The following ZPBP variants were observed in gnomAD, a reference collection of about 807,000 sequenced individuals.
ZPBP encodes zona pellucida-binding protein 1.
A neutral mutation model predicts 44.8 loss-of-function variants in ZPBP; 26 were observed. The observed-to-expected ratio is 0.58, with a 90% CI of 0.43 to 0.81. The LOEUF is 0.81. Among genes scored for constraint, ZPBP ranks in the 30% least tolerant of loss-of-function variants. The pLI, the probability that ZPBP is intolerant of heterozygous loss-of-function variation, is 0.00. For synonymous variants in ZPBP, 174 were observed against 153.2 expected, an observed-to-expected ratio of 1.14 and a Z score of -1.00; for missense variants, 409 against 434.0, an observed-to-expected ratio of 0.94 and a Z score of 0.51.
chr7:49,954,697 T>C (rs972743537), intron 7 of ZPBP, among the ~76,000 whole-genome samples: 2 of 152,194 alleles, frequency 1.3e-5, no homozygotes, highest in Non-Finnish European at 2.9e-5. Context: ...CAATTCTAAA[T>C]GTCTATTTAA....
intron 4 of ZPBP, among the ~76,000 whole-genome samples, chr7:50,041,060 A>C (rs185369328): frequency 6.6e-6 from 1 of 152,262 alleles, no homozygotes; most frequent in Admixed American, 6.5e-5. Flanking sequence ...AACTGGGTGG[A>C]GCCCACCTCA....
At chr7:49,867,120 T>G (rs1281359208) in intron 2 of ZPBP, among the ~76,000 whole-genome samples, 3 of 152,172 alleles carry the variant, frequency 2.0e-5, no homozygotes, top group Non-Finnish European at 4.4e-5. Flanking sequence ...TGCAGCTATG[T>G]GGGGAGCCTC....
chr7:50,035,712 C>T (rs1440534459), intron 4 of ZPBP, among the ~76,000 whole-genome samples: 1 of 152,092 alleles, frequency 6.6e-6, no homozygotes, highest in Non-Finnish European at 1.5e-5. Flanking sequence ...CAGTTTTTTA[C>T]ACCCACTATA....
intron 2 of ZPBP, among the ~76,000 whole-genome samples, chr7:49,869,609 A>G (rs1791051958): frequency 6.6e-6 from 1 of 152,256 alleles, no homozygotes; most frequent in South Asian, 2.1e-4. Context: ...AGGAATTAAA[A>G]AATAGTCCTA....
chr7:49,966,134 TA>T (rs1205300954), intron 7 of ZPBP, among the ~76,000 whole-genome samples: 1 of 152,102 alleles, frequency 6.6e-6, no homozygotes, highest in Non-Finnish European at 1.5e-5. Context: ...CAGACACTGA[TA>T]AAACCTCAAA....
intron 2 of ZPBP, among the ~76,000 whole-genome samples, chr7:49,892,605 A>G (rs1375363298): frequency 6.6e-6 from 1 of 152,176 alleles, no homozygotes; most frequent in Non-Finnish European, 1.5e-5. Context: ...TTGCAGTTTC[A>G]TGCTGTGTTG....
intron 6 of ZPBP, among the ~76,000 whole-genome samples, chr7:49,993,617 C>A (rs1797664927): frequency 6.6e-6 from 1 of 152,094 alleles, no homozygotes. Context: ...GAACAAAAAT[C>A]TTCCCATTCA....
chr7:49,940,033 C>T (rs1198406898), intron 7 of ZPBP, among the ~76,000 whole-genome samples: 1 of 152,152 alleles, frequency 6.6e-6, no homozygotes, highest in Non-Finnish European at 1.5e-5. Context: ...CCAATCAGAG[C>T]TTGGCTACAT....
intron 7 of ZPBP, among the ~76,000 whole-genome samples, chr7:49,957,966 C>G (rs138500245): frequency 1.5e-3 from 224 of 152,310 alleles, no homozygotes; most frequent in African/African-American, 4.9e-3. Flanking sequence ...CCAGTGTGCC[C>G]AGAAGGCAGG....
At chr7:49,992,130 AG>A (rs1236983799) in intron 6 of ZPBP, among the ~76,000 whole-genome samples, 1 of 152,112 alleles carries the variant, frequency 6.6e-6, no homozygotes, top group Non-Finnish European at 1.5e-5. Flanking sequence ...GAGAGGTTGG[AG>A]GAGGAAAACT....
chr7:49,934,969 G>T (rs1324541205), downstream of ZPBP, among the ~76,000 whole-genome samples: 2 of 152,076 alleles, frequency 1.3e-5, no homozygotes, highest in African/African-American at 4.8e-5. Flanking sequence ...TATATAAAAG[G>T]TATTATTTGG....
chr7:49,992,037 T>G (rs757969829), intron 6 of ZPBP, among the ~76,000 whole-genome samples: 20 of 152,058 alleles, frequency 1.3e-4, no homozygotes, highest in Non-Finnish European at 2.5e-4. Context: ...ATGTCCCTAA[T>G]TCACAGTGGA....
chr7:49,923,562 G>A (rs960675699), intron 1 of ZPBP, among the ~76,000 whole-genome samples: 12 of 151,978 alleles, frequency 7.9e-5, no homozygotes, highest in Admixed American at 1.3e-4. Flanking sequence ...TTCCCTCACC[G>A]TGTCTACTGT....
chr7:49,976,188 T>C (rs1357935927), intron 7 of ZPBP, among the ~76,000 whole-genome samples: 1 of 152,226 alleles, frequency 6.6e-6, no homozygotes, highest in Non-Finnish European at 1.5e-5. Context: ...ACATAAAGCA[T>C]TATATATTTT....
chr7:50,020,079 C>T (rs900187834), intron 5 of ZPBP, among the ~76,000 whole-genome samples: 3 of 150,666 alleles, frequency 2.0e-5, no homozygotes, highest in Admixed American at 6.6e-5. Context: ...AAGAAATATA[C>T]GTAGAGTTAT....
chr7:49,893,374 G>C (rs1792225599), intron 2 of ZPBP, among the ~76,000 whole-genome samples: 1 of 152,170 alleles, frequency 6.6e-6, no homozygotes, highest in African/African-American at 2.4e-5. Flanking sequence ...TATTAATTTG[G>C]CAGGATAGTT....
rs1220848154 is a variant in ZPBP, at chr7:49,981,712, T to G, written c.961+1630A>C. ...ATATATATAATTATATATAATATAT[T>G]ATATATAATATAAATTATATATGGT... On this transcript the variant is annotated intron_variant, in intron 7 of 7. Transcript: ENST00000046087. 2.1e-5 allele frequency among the ~76,000 whole-genome samples: 2 copies of G among 96,684 alleles called. 1 individual carries two copies. The highest frequency in any genetic ancestry group is 8.6e-5 in the African/African-American group (2 of 23,136). 63.4% of individuals were successfully genotyped at this position (96,684 alleles called of 152,430 possible).
intron 7 of ZPBP, among the ~76,000 whole-genome samples, chr7:49,949,268 T>C (rs1051714264): frequency 6.6e-6 from 1 of 152,120 alleles, no homozygotes; most frequent in Non-Finnish European, 1.5e-5. Context: ...GAAATTTTAT[T>C]ATGGCAGCCT....
chr7:49,930,202 C>T (rs540372462), intron 1 of ZPBP, among the ~76,000 whole-genome samples: 1 of 152,298 alleles, frequency 6.6e-6, no homozygotes, highest in East Asian at 1.9e-4. Flanking sequence ...CAGGAGGATG[C>T]TGCAGAGCCA....
Sources: gnomAD v4.1 joint callset for allele counts (sites outside exome capture counted in the v4.1 genomes callset) on GRCh38, gnomAD v4.1.1 for gene constraint, MANE v1.5 for transcripts, NCBI Gene and HGNC (gene_info 2026-07-23, HGNC 2026-07-21) for gene names.